Variants in ANO1 observed in about 807,000 individuals in gnomAD.
ANO1 encodes the protein anoctamin-1.
ANO1 carries 59 observed loss-of-function variants against 124.0 expected under a neutral mutation model. That is an observed-to-expected ratio of 0.48 (90% confidence interval 0.39 to 0.59). The LOEUF (loss-of-function observed/expected upper bound fraction) is 0.59, where lower values mean the gene tolerates loss of function less well. Ranked by LOEUF, ANO1 falls within the 20% of genes least tolerant of loss-of-function variation. The probability of loss-of-function intolerance (pLI) is 0.00; values close to 1 mark genes in which losing one functional copy is unlikely to be tolerated. For missense variants in ANO1, 1,059 were observed against 1,328.0 expected (o/e 0.80, Z 3.15); for synonymous variants, 529 against 532.0 (o/e 0.99, Z 0.08).
chr11:70,043,207 T>A (rs1857208591), intron 1 of ANO1, among the ~76,000 whole-genome samples: 2 of 152,004 alleles, frequency 1.3e-5, no homozygotes, highest in South Asian at 2.1e-4. Flanking sequence ...CTACACAGAA[T>A]GGGAGTAACA....
At chr11:70,093,442 T>A (rs2044717017) in intron 2 of ANO1, among the ~76,000 whole-genome samples, 1 of 152,314 alleles carries the variant, frequency 6.6e-6, no homozygotes, top group East Asian at 1.9e-4. Context: ...ATTAGCCTTT[T>A]TGAAGTCCAG....
chr11:70,144,746 A>C (rs1332207976), intron 11 of ANO1, among the ~76,000 whole-genome samples: 1 of 152,164 alleles, frequency 6.6e-6, no homozygotes, highest in Non-Finnish European at 1.5e-5. Flanking sequence ...TGCTGCACTC[A>C]AGGCTGTTTC....
intron 1 of ANO1, among the ~76,000 whole-genome samples, chr11:69,994,594 G>C (rs1426209944): frequency 6.6e-6 from 1 of 152,128 alleles, no homozygotes; most frequent in Non-Finnish European, 1.5e-5. Context: ...AGCAAGAAAA[G>C]CTCAGTGCTA....
At chr11:70,177,853 C>A (rs1263951142) in intron 22 of ANO1, among the ~76,000 whole-genome samples, 4 of 152,170 alleles carry the variant, frequency 2.6e-5, no homozygotes, top group Non-Finnish European at 4.4e-5. Context: ...CCAACCTCAG[C>A]CTCCCAAAGT....
At chr11:70,124,197 C>T (rs1020082214) in intron 8 of ANO1, among the ~76,000 whole-genome samples, 153 bp from the exon 9 acceptor site, 6 of 152,210 alleles carry the variant, frequency 3.9e-5, no homozygotes, top group Admixed American at 1.3e-4. Context: ...TCTTTCCCAT[C>T]CCCACGTTCA....
intron 7 of ANO1, among the ~76,000 whole-genome samples, chr11:70,114,160 G>A (rs1254119237): frequency 6.6e-6 from 1 of 152,230 alleles, no homozygotes; most frequent in Non-Finnish European, 1.5e-5. Flanking sequence ...ATGCAGCCAT[G>A]TGGGGTCTGT....
Position 70,167,336 on chromosome 11 carries a change from G to T in ANO1, c.2146G>T (p.Asp716Tyr). ...GAAGAGGAAACAGCGGTACGAGGTG[G>T]ATTACAACCTGGAGCCCTTCGCGGG... Reference protein sequence around the residue: ...CVKRKQRYEVDYNLEPFAGLT... With the variant: ...CVKRKQRYEVYYNLEPFAGLT... The change falls in exon 21 of 26, where the codon GAT (aspartate) becomes TAT (tyrosine). Residue 716 changes from aspartate to tyrosine, a missense_variant. Asp to Tyr is a radical substitution (Grantham distance 160, BLOSUM62 -3). Around this residue, in one of 2 missense-constraint regions of ANO1, gnomAD observed 809 missense variants for 1,094.9 expected, o/e 0.74. Coordinates refer to ENST00000355303, the MANE Select transcript of ANO1 (RefSeq NM_018043.7). 1 of 1,613,848 alleles carries T rather than the reference G, an allele frequency of 6.2e-7. No homozygotes were observed. The highest frequency in any genetic ancestry group is 8.5e-7 in the Non-Finnish European group (1 of 1,179,806).
Position 70,187,961 on chromosome 11 carries a change from G to A in ANO1, c.2918G>A (p.Gly973Asp), listed in dbSNP as rs980934451. The change falls in exon 26 of 26, where the codon GGC (glycine) becomes GAC (aspartate). Residue 973 changes from glycine to aspartate, a missense_variant. Coordinates refer to ENST00000355303, the MANE Select transcript of ANO1 (RefSeq NM_018043.7). The part of the protein sequence containing the change: ...HNTKACPDSL[G>D]SPAPSHAYHG... ...ACCAAAGCCTGCCCAGACAGCCTCG[G>A]CAGCCCAGCCCCCAGCCATGCCTAC... 3.8e-6 allele frequency: 6 copies of A among 1,573,822 alleles called. No homozygotes were observed. The highest frequency in any genetic ancestry group is 5.2e-6 in the Non-Finnish European group (6 of 1,160,562).
At chr11:70,122,250 G>C (rs1210985230) in intron 8 of ANO1, among the ~76,000 whole-genome samples, 1 of 16,200 alleles carries the variant, frequency 6.2e-5, no homozygotes, top group African/African-American at 2.7e-4. Flanking sequence ...CTCTCTGTCT[G>C]TCTCTATCTC....
At chr11:70,138,197 T>A (rs2047017433) in intron 11 of ANO1, among the ~76,000 whole-genome samples, 1 of 146,246 alleles carries the variant, frequency 6.8e-6, no homozygotes, top group Admixed American at 7.3e-5. Context: ...ATACAAAGAT[T>A]AGCTGGCCGT....
intron 1 of ANO1, among the ~76,000 whole-genome samples, chr11:70,083,057 C>A (rs2044250566): frequency 6.6e-6 from 1 of 152,198 alleles, no homozygotes; most frequent in African/African-American, 2.4e-5. Flanking sequence ...TCACATCCAG[C>A]TCCTTTTGTA....
At chr11:70,067,693 C>T (rs1476681631) in intron 1 of ANO1, among the ~76,000 whole-genome samples, 1 of 152,178 alleles carries the variant, frequency 6.6e-6, no homozygotes, top group Non-Finnish European at 1.5e-5. Context: ...CTCACAGGCA[C>T]CCGGTGGATG....
chr11:70,146,322 C>T (rs1471883070), intron 11 of ANO1, among the ~76,000 whole-genome samples: 1 of 152,106 alleles, frequency 6.6e-6, no homozygotes, highest in South Asian at 2.1e-4. Context: ...TGCCTGCGGT[C>T]GTTGTGAGGA....
chr11:70,088,905 G>T (rs994584306), intron 2 of ANO1, among the ~76,000 whole-genome samples: 2 of 152,194 alleles, frequency 1.3e-5, no homozygotes, highest in African/African-American at 4.8e-5. Flanking sequence ...CTGCTCCCTA[G>T]CAAAGCCTAC....
At chr11:70,085,292 C>A in intron 1 of ANO1, 1 of 1,289,622 alleles carries the variant, frequency 7.8e-7, no homozygotes, top group Non-Finnish European at 1.0e-6. Flanking sequence ...ACCCACTGCC[C>A]TCAAAAGCCA....
At chr11:69,976,652 A>G in the ANO1 span, among the ~76,000 whole-genome samples, 2 of 150,834 alleles carry the variant, frequency 1.3e-5, no homozygotes, top group Non-Finnish European at 3.0e-5. Flanking sequence ...CCAAGGAGAG[A>G]GGCCTCAGGA....
At chr11:70,003,026 C>T (rs1335622731) in intron 1 of ANO1, among the ~76,000 whole-genome samples, 1 of 79,232 alleles carries the variant, frequency 1.3e-5, no homozygotes, top group Non-Finnish European at 2.9e-5. Flanking sequence ...TTAACTTCCA[C>T]AGATTAGAAA....
chr11:70,034,679 G>A (rs1218922410), intron 1 of ANO1, among the ~76,000 whole-genome samples: 1 of 152,154 alleles, frequency 6.6e-6, no homozygotes, highest in East Asian at 1.9e-4. Flanking sequence ...TAGGCAAAGG[G>A]CATCAGAAGG....
intron 1 of ANO1, chr11:70,056,322 A>G (rs544391642): frequency 6.6e-6 from 1 of 152,244 alleles, no homozygotes; most frequent in African/African-American, 2.4e-5. Context: ...TCTTTCAGCA[A>G]TTTCAATATG....
Sources: gnomAD v4.1 joint callset for allele counts (sites outside exome capture counted in the v4.1 genomes callset) on GRCh38, gnomAD v4.1.1 for gene constraint, gnomAD v4.1.1 regional missense constraint, MANE v1.5 for transcripts, NCBI Gene and HGNC (gene_info 2026-07-23, HGNC 2026-07-21) for gene names.